Variants in CHD3 observed in about 807,000 individuals in gnomAD.
The protein encoded by CHD3 is chromodomain helicase DNA binding protein 3, also known as ATP-dependent chromatin remodeler CHD3.
A neutral mutation model predicts 248.9 loss-of-function variants in CHD3; 52 were observed. The ratio of observed to expected loss-of-function variants is 0.21; its 90% CI spans 0.17 to 0.26. The LOEUF is 0.26. Among genes scored for constraint, CHD3 ranks in the 10% least tolerant of loss-of-function variants. The pLI is 1.00. For missense variants in CHD3, 1,482 were observed against 2,605.8 expected (o/e 0.57, Z 9.39); for synonymous variants, 985 against 985.2 (o/e 1.00, Z 0.00).
chr17:7,892,867 A>G (rs1969084805), intron 4 of CHD3, among the ~76,000 whole-genome samples: 3 of 151,934 alleles, frequency 2.0e-5, no homozygotes. Context: ...ATCATAGCTC[A>G]CTATATCCTC....
At position 7,899,219 on chromosome 17, in the gene CHD3, C is replaced by T. The variant is rs770273659; in HGVS notation, c.2343+17C>T. On this transcript the variant is annotated intron_variant, in intron 14 of 39. Coordinates refer to ENST00000330494, the MANE Select transcript of CHD3 (RefSeq NM_001005273.3). The surrounding 1 kb of genome is among the most constrained non-coding windows in gnomAD (Gnocchi z 6.8). ...TACAAGGAGGTGCTGGATTCTAGGA[C>T]CTTGAAGGGGACCGCCTGGACTGGG... 24 of 1,609,704 alleles carry T rather than the reference C, an allele frequency of 1.5e-5. No homozygotes were observed. Among genetic ancestry groups the T allele is most frequent in the Non-Finnish European group, 2.0e-5 (23 of 1,176,682 alleles).
At position 7,903,576 on chromosome 17, in the gene CHD3, A is replaced by T. The variant is rs549909671; in HGVS notation, c.3727+73A>T. 3 of 1,289,902 alleles carry T rather than the reference A, an allele frequency of 2.3e-6. No homozygotes were observed. The African/African-American group carries it at 4.5e-5, about 19-fold the overall frequency. 79.9% of individuals were successfully genotyped at this position (1,289,902 alleles called of 1,614,324 possible). On this transcript the variant is annotated intron_variant, in intron 23 of 39. Transcript: ENST00000330494. This position sits in a 1 kb window ranked among gnomAD's most constrained non-coding sequence, Gnocchi z 6.8. ...AGGAGTACTTATCAGCCCCCTGGGG[A>T]GAGAAAAACAACTCTTCTCTGCAGC...
In CHD3 at chr17:7,906,369, GC is replaced by G. The variant is rs1166836798; in HGVS notation, c.4359-183del. On this transcript the variant is annotated intron_variant, in intron 28 of 39. Transcript: ENST00000330494. The surrounding 1 kb of genome is among the most constrained non-coding windows in gnomAD (Gnocchi z 5.0). ...CCAAAGGGAAAGACCCAGGGGTGGG[GC>G]GCAGGGGGACAGTTAGGACTTGGAG... 8.7e-6 allele frequency: 6 copies of G among 691,308 alleles called. No individual in the cohort carries two copies. In the Admixed American group the frequency reaches 9.4e-5, roughly 11 times the overall value. 42.8% of individuals were successfully genotyped at this position (691,308 alleles called of 1,614,324 possible).
intron 19 of CHD3, 101 bp downstream of exon 19, chr17:7,901,094 G>T (rs1970246054): frequency 3.9e-6 from 6 of 1,523,508 alleles, no homozygotes; most frequent in Admixed American, 3.9e-5. Context: ...GTGGAGCTGG[G>T]CTGGAAGGCC....
rs1968549499 is a variant in CHD3, at chr17:7,889,738, G to A, written c.175G>A (p.Glu59Lys). The change falls in exon 2 of 40, where the codon GAG (glutamate) becomes AAG (lysine). Residue 59 changes from glutamate to lysine, a missense_variant. Around this residue, in one of 20 missense-constraint regions of CHD3, gnomAD observed 169 missense variants for 168.1 expected, o/e 1.01. Coordinates refer to ENST00000330494, the MANE Select transcript of CHD3 (RefSeq NM_001005273.3). The surrounding 1 kb of genome is among the most constrained non-coding windows in gnomAD (Gnocchi z 4.5). ...AAAACGAGGACCCAAGAAGCAGAAGGAGAACAAGCCAGGAAAACCCCGAAA... is the reference window on the plus strand; with the variant it reads ...AAAACGAGGACCCAAGAAGCAGAAGAAGAACAAGCCAGGAAAACCCCGAAA... ...KRKRGPKKQK[E>K]NKPGKPRKRK... 1.2e-6 allele frequency: 2 copies of A among 1,613,266 alleles called. No homozygotes were observed. The highest frequency in any genetic ancestry group is 8.5e-7 in the Non-Finnish European group (1 of 1,179,506).
In CHD3 at chr17:7,912,569, C is replaced by T. The variant is rs1971775625; in HGVS notation, c.*984C>T. The T allele has an allele frequency of 1.3e-5, 2 of 152,030 alleles. No homozygotes were observed. The highest frequency in any genetic ancestry group is 4.8e-5 in the African/African-American group (2 of 41,378). The allele number at this position is 152,030 out of a possible 1,614,324, so 9.4% of individuals were successfully genotyped here. On this transcript the variant is annotated 3_prime_UTR_variant, in exon 40 of 40. Transcript: ENST00000330494. ...GCAGGCTAGGGAAATGTGGGCACATCCCCCCTCCCAGGAGGGGCCGGGGAG... is the reference window on the plus strand; with the variant it reads ...GCAGGCTAGGGAAATGTGGGCACATTCCCCCTCCCAGGAGGGGCCGGGGAG...
At chr17:7,885,546 T>G (rs1156779213), upstream of CHD3, among the ~76,000 whole-genome samples, 2 of 138,756 alleles carry the variant, frequency 1.4e-5, no homozygotes, top group Non-Finnish European at 1.6e-5. Context: ...GACGGCGGCG[T>G]GGGGGAGGGG....
In CHD3 at chr17:7,906,931, C is replaced by T. The variant is rs933737483; in HGVS notation, c.4566C>T (p.Ser1522=). The change falls in exon 30 of 40, where the codon AGC becomes AGT. Residue 1522 remains serine (S), a synonymous_variant. Coordinates refer to ENST00000330494, the MANE Select transcript of CHD3 (RefSeq NM_001005273.3). The surrounding 1 kb of genome is among the most constrained non-coding windows in gnomAD (Gnocchi z 5.0). ...TGCCGGAACTGATGCCTGACCCCAG[C>T]GCCGATTCTAAGCGCTCCTCCAGAG... ...WSMPELMPDP[S]ADSKRSSRAS... 16 of 1,614,006 alleles carry T rather than the reference C, an allele frequency of 9.9e-6. No homozygotes were observed. Among genetic ancestry groups the T allele is most frequent in the Non-Finnish European group, 1.3e-5 (15 of 1,180,020 alleles).
Position 7,905,268 on chromosome 17 carries a change from T to C in CHD3, c.4138+103T>C, listed in dbSNP as rs1244229940. ...ACAAGTAAAAAAGTCTTCGTGTGTG[T>C]GTGGAAAAACTCGATTGCAGATGAG... On this transcript the variant is annotated intron_variant, in intron 26 of 39. Coordinates refer to ENST00000330494, the MANE Select transcript of CHD3 (RefSeq NM_001005273.3). The surrounding 1 kb of genome is among the most constrained non-coding windows in gnomAD (Gnocchi z 5.8). 3.6e-6 allele frequency: 4 copies of C among 1,106,790 alleles called. No individual in the cohort carries two copies. The highest frequency in any genetic ancestry group is 5.5e-6 in the Non-Finnish European group (4 of 728,874). The allele number at this position is 1,106,790 out of a possible 1,614,324, so 68.6% of individuals were successfully genotyped here.
chr17:7,895,074 C>T lies in CHD3; in HGVS notation c.1427C>T (p.Ser476Phe). ...GELLCCDACI[S>F]SYHIHCLNPP... Reference sequence around the variant, plus strand: ...CTCCTGTGCTGTGACGCGTGCATCTCCTCCTACCACATTCATTGTCTAAAC... The same window carrying T: ...CTCCTGTGCTGTGACGCGTGCATCTTCTCCTACCACATTCATTGTCTAAAC... The change falls in exon 9 of 40, where the codon TCC (serine) becomes TTC (phenylalanine). Residue 476 changes from serine to phenylalanine, a missense_variant. Ser to Phe is a radical substitution (Grantham distance 155). Transcript: ENST00000330494. The surrounding 1 kb of genome is among the most constrained non-coding windows in gnomAD (Gnocchi z 4.9). 1.2e-6 allele frequency: 2 copies of T among 1,614,104 alleles called. No individual in the cohort carries two copies. The highest frequency in any genetic ancestry group is 1.7e-6 in the Non-Finnish European group (2 of 1,180,016).
rs1567861325 is a variant in CHD3, at chr17:7,903,227, CG to C, written c.3496-43del. 1.1e-5 allele frequency: 18 copies of C among 1,596,684 alleles called. No homozygotes were observed. The highest frequency in any genetic ancestry group is 1.5e-5 in the Non-Finnish European group (17 of 1,166,586). ...GGCAGCTCTATGGGCAGCTTCTCCC[CG>C]GCCACTCCCCTGACCCACCCGCCAC... On this transcript the variant is annotated intron_variant, in intron 22 of 39. Coordinates refer to ENST00000330494, the MANE Select transcript of CHD3 (RefSeq NM_001005273.3). The surrounding 1 kb of genome is among the most constrained non-coding windows in gnomAD (Gnocchi z 6.8).
chr17:7,902,340 T>G (rs115710642), intron 20 of CHD3, among the ~76,000 whole-genome samples: 239 of 152,082 alleles, frequency 1.6e-3, no homozygotes, highest in African/African-American at 5.4e-3. Context: ...TAGGATCACT[T>G]GAACCCAGGA....
chr17:7,893,754 G>C, intron 5 of CHD3, 51 bp from the exon 6 acceptor site: 1 of 1,594,426 alleles, frequency 6.3e-7, no homozygotes, highest in Non-Finnish European at 8.5e-7. Context: ...CATAATTCCA[G>C]GATGTCATGA....
In CHD3 at chr17:7,909,954, A is replaced by T. The variant is rs1365828446; in HGVS notation, c.5591-474A>T. 8.4e-6 allele frequency: 2 copies of T among 239,172 alleles called. No homozygotes were observed. The highest frequency in any genetic ancestry group is 1.7e-5 in the Non-Finnish European group (2 of 120,400). 14.8% of individuals were successfully genotyped at this position (239,172 alleles called of 1,614,324 possible). A position where few individuals can be genotyped will look rare whatever the true frequency, so the allele number is the denominator to read the frequency against. ...TGTTCTAATTCCTTGAATCTGTAAT[A>T]CTGACCTTCTAACCTCCCTCTCCCC... On this transcript the variant is annotated intron_variant, in intron 37 of 39. Transcript: ENST00000330494. The surrounding 1 kb of genome is among the most constrained non-coding windows in gnomAD (Gnocchi z 8.1).
Position 7,897,288 on chromosome 17 carries a change from A to G in CHD3, c.1913A>G (p.Asn638Ser), listed in dbSNP as rs778403329. Residue 638 changes from asparagine (N) to serine (S), a missense_variant, in exon 11 of 40, where the codon AAC becomes AGC. Coordinates refer to ENST00000330494, the MANE Select transcript of CHD3 (RefSeq NM_001005273.3). This position sits in a 1 kb window ranked among gnomAD's most constrained non-coding sequence, Gnocchi z 4.8. ...PEWMTVHRII[N>S]HSVDKKGNYH... ...TGGATGACCGTCCACCGCATCATCA[A>G]CCACAGGTGAATCCTCGGTCCCTGG... 3 of 1,613,458 alleles carry G rather than the reference A, an allele frequency of 1.9e-6. No homozygotes were observed. Among genetic ancestry groups the G allele is most frequent in the Non-Finnish European group, 2.5e-6 (3 of 1,179,850 alleles).
chr17:7,910,528 G>A lies in CHD3; in HGVS notation c.5691G>A (p.Gln1897=), dbSNP rs772856184. 3 of 1,613,642 alleles carry A rather than the reference G, an allele frequency of 1.9e-6. No individual in the cohort carries two copies. Among genetic ancestry groups the A allele is most frequent in the Non-Finnish European group, 2.5e-6 (3 of 1,180,034 alleles). ...TACCCCCCATCGCAGCCCGCCTTCAGATGTCCGAGCGCAGCATCCTCAGCC... is the reference window on the plus strand; with the variant it reads ...TACCCCCCATCGCAGCCCGCCTTCAAATGTCCGAGCGCAGCATCCTCAGCC... ...SRIPPIAARL[Q]MSERSILSRL... The change falls in exon 38 of 40, where the codon CAG becomes CAA. Residue 1897 remains glutamine, a synonymous_variant. Coordinates refer to ENST00000330494, the MANE Select transcript of CHD3 (RefSeq NM_001005273.3). The surrounding 1 kb of genome is among the most constrained non-coding windows in gnomAD (Gnocchi z 4.7).
In CHD3 at chr17:7,905,051, C is replaced by A; in HGVS notation, c.4073-49C>A. 1 of 1,531,200 alleles carries A rather than the reference C, an allele frequency of 6.5e-7. No homozygotes were observed. The highest frequency in any genetic ancestry group is 9.1e-7 in the Non-Finnish European group (1 of 1,104,598). 94.9% of individuals were successfully genotyped at this position (1,531,200 alleles called of 1,614,324 possible). On this transcript the variant is annotated intron_variant, in intron 25 of 39. Transcript: ENST00000330494. The surrounding 1 kb of genome is among the most constrained non-coding windows in gnomAD (Gnocchi z 5.8). Reference sequence around the variant, plus strand: ...CAGCCAGAAAGGGCCTCAGCATGGGCATATCCCGAGAGCCCTCCCTGACCA... The same window carrying A: ...CAGCCAGAAAGGGCCTCAGCATGGGAATATCCCGAGAGCCCTCCCTGACCA...
Position 7,910,772 on chromosome 17 carries a change from T to C in CHD3, c.5755-75T>C, listed in dbSNP as rs554081431. The stretch of plus-strand genomic sequence containing the variant: ...CTTAGCAGTTGTGGAGTGTGGCTCA[T>C]AATGTCTCTCCTACAGCTTCTTTCC... On this transcript the variant is annotated intron_variant, in intron 38 of 39. Coordinates refer to ENST00000330494, the MANE Select transcript of CHD3 (RefSeq NM_001005273.3). The surrounding 1 kb of genome is among the most constrained non-coding windows in gnomAD (Gnocchi z 4.7). The C allele has an allele frequency of 6.4e-7, 1 of 1,550,584 alleles. No homozygotes were observed. Among genetic ancestry groups the C allele is most frequent in the East Asian group, 2.3e-5 (1 of 44,326 alleles).
chr17:7,904,228 T>C lies in CHD3; in HGVS notation c.3895-214T>C. ...TGCAGGAGAAACACTGTCAGAGGGA[T>C]TAGAGGAGAGATTTAGAAAACATGA... On this transcript the variant is annotated intron_variant, in intron 24 of 39. Coordinates refer to ENST00000330494, the MANE Select transcript of CHD3 (RefSeq NM_001005273.3). The surrounding 1 kb of genome is among the most constrained non-coding windows in gnomAD (Gnocchi z 4.4). 1.6e-6 allele frequency: 1 copy of C among 618,160 alleles called. No homozygotes were observed. Among genetic ancestry groups the C allele is most frequent in the Non-Finnish European group, 2.8e-6 (1 of 352,554 alleles). The allele number at this position is 618,160 out of a possible 1,614,324, so 38.3% of individuals were successfully genotyped here. A position where few individuals can be genotyped will look rare whatever the true frequency, so the allele number is the denominator to read the frequency against.
Sources: gnomAD v4.1 joint callset for allele counts (sites outside exome capture counted in the v4.1 genomes callset) on GRCh38, gnomAD v4.1.1 for gene constraint, gnomAD v4.1.1 regional missense constraint, Gnocchi (gnomAD v3.1) non-coding constraint, MANE v1.5 for transcripts, NCBI Gene and HGNC (gene_info 2026-07-23, HGNC 2026-07-21) for gene names.